GPATCH8: variants seen among roughly 807,000 people sequenced by gnomAD.
GPATCH8 encodes the protein G-patch domain containing 8.
GPATCH8 carries 18 observed loss-of-function variants against 118.3 expected under a neutral mutation model. That is an observed-to-expected ratio of 0.15 (90% CI 0.11 to 0.23). The LOEUF (loss-of-function observed/expected upper bound fraction) is 0.23. Ranked by LOEUF, GPATCH8 falls within the 10% of genes least tolerant of loss-of-function variation. The pLI is 1.00. For missense variants in GPATCH8, 1,631 were observed against 1,873.8 expected, an observed-to-expected ratio of 0.87 and a Z score of 2.39; for synonymous variants, 659 against 684.7, an observed-to-expected ratio of 0.96 and a Z score of 0.59.
At position 44,399,328 on chromosome 17, in the gene GPATCH8, C is replaced by T. The variant is rs1187526918; in HGVS notation, c.2749G>A (p.Ala917Thr). The T allele has an allele frequency of 6.2e-7, 1 of 1,614,034 alleles. No individual in the cohort carries two copies. The highest frequency in any genetic ancestry group is 8.5e-7 in the Non-Finnish European group (1 of 1,179,884). ...RSHDSDDSDY[A>T]SSKHRSKRHK... ...CGTTTTGATCGGTGTTTGGAGCTGG[C>T]ATAGTCTGAGTCATCTGAGTCATGG... The change falls in exon 8 of 8, where the codon GCC (alanine) becomes ACC (threonine). Residue 917 changes from alanine (A) to threonine (T), a missense_variant. By Grantham distance (58) the Ala-to-Thr change is moderately conservative. Transcript: ENST00000591680.
At chr17:44,414,131 A>G (rs561051222) in intron 6 of GPATCH8, among the ~76,000 whole-genome samples, 314 of 26,588 alleles carry the variant, frequency 0.012, 3 homozygotes, top group African/African-American at 0.03. Context: ...ATATATGTGT[A>G]TATATATATA....
Position 44,407,886 on chromosome 17 carries a change from G to A in GPATCH8, c.493-1835C>T, listed in dbSNP as rs1055316767. ...TGGCCAGGGTGGTCTCAAACTCCTG[G>A]TCTCAAGTGATCTACCTGCCTCGGC... is the stretch of plus-strand genomic sequence containing the variant. On this transcript the variant is annotated intron_variant, in intron 6 of 7. Transcript: ENST00000591680. Among the ~76,000 whole-genome samples, 10 of 152,104 alleles carry A rather than the reference G, an allele frequency of 6.6e-5. No homozygotes were observed. The South Asian group carries it at 2.1e-3, about 32-fold the overall frequency.
At chr17:44,484,197 T>C (rs1440338477) in intron 1 of GPATCH8, among the ~76,000 whole-genome samples, 3 of 151,654 alleles carry the variant, frequency 2.0e-5, no homozygotes, top group Non-Finnish European at 4.4e-5. Flanking sequence ...TTGGCCAGGC[T>C]AGTCTCGAAC....
intron 7 of GPATCH8, among the ~76,000 whole-genome samples, chr17:44,401,892 T>C (rs927802518): frequency 1.3e-5 from 2 of 151,658 alleles, no homozygotes; most frequent in Non-Finnish European, 2.9e-5. Context: ...TAATCCCAGC[T>C]ACTTGGGAGG....
intron 1 of GPATCH8, among the ~76,000 whole-genome samples, chr17:44,485,431 TTC>T (rs1233568598): frequency 2.6e-5 from 4 of 152,070 alleles, no homozygotes; most frequent in African/African-American, 9.7e-5. Flanking sequence ...ATGTTTGATT[TTC>T]TGTTTATTTT....
At chr17:44,484,858 T>C (rs1164903749) in intron 1 of GPATCH8, among the ~76,000 whole-genome samples, 3 of 152,184 alleles carry the variant, frequency 2.0e-5, no homozygotes, top group East Asian at 1.9e-4. Context: ...ACTTTTATTA[T>C]GTATTTGTTT....
intron 6 of GPATCH8, among the ~76,000 whole-genome samples, chr17:44,420,620 G>A (rs2049863056): frequency 6.6e-6 from 1 of 152,198 alleles, no homozygotes; most frequent in South Asian, 2.1e-4. Flanking sequence ...GAGAAAAGTG[G>A]TGGGAGAGCT....
chr17:44,480,889 CA>C (rs980442786), intron 1 of GPATCH8, among the ~76,000 whole-genome samples: 20 of 150,046 alleles, frequency 1.3e-4, no homozygotes, highest in African/African-American at 4.6e-4. Context: ...AAAACAAAAA[CA>C]AAAAAAAACA....
rs1250010846 is a variant in GPATCH8, at chr17:44,397,836, G to C, written c.4241C>G (p.Thr1414Ser). The change falls in exon 8 of 8, where the codon ACC (threonine) becomes AGC (serine). Residue 1414 changes from threonine to serine, a missense_variant. Around this residue, in one of 8 missense-constraint regions of GPATCH8, gnomAD observed 111 missense variants for 112.4 expected, o/e 0.99. Coordinates refer to ENST00000591680, the MANE Select transcript of GPATCH8 (RefSeq NM_001002909.4). ...QVHHIPQPHLTPISLSHLTHS... is the reference protein window; with the variant it reads ...QVHHIPQPHLSPISLSHLTHS... Reference sequence around the variant, plus strand: ...AGTGAGGTGGGACAAAGAAATGGGGGTCAGATGGGGCTGGGGAATATGATG... The same window carrying C: ...AGTGAGGTGGGACAAAGAAATGGGGCTCAGATGGGGCTGGGGAATATGATG... The C allele has an allele frequency of 2.5e-6, 4 of 1,595,476 alleles. No homozygotes were observed. In the South Asian group the frequency reaches 4.5e-5, roughly 18 times the overall value.
intron 3 of GPATCH8, among the ~76,000 whole-genome samples, chr17:44,460,205 CCT>C (rs1363632609): frequency 2.0e-5 from 3 of 152,128 alleles, no homozygotes; most frequent in Non-Finnish European, 2.9e-5. Flanking sequence ...TTAAACATAT[CCT>C]CTGTTTCTAT....
At chr17:44,418,598 G>A (rs1016598912) in intron 6 of GPATCH8, among the ~76,000 whole-genome samples, 2 of 152,122 alleles carry the variant, frequency 1.3e-5, no homozygotes, top group Admixed American at 6.5e-5. Flanking sequence ...GGGACTACAG[G>A]CACGTGCTGC....
chr17:44,474,991 CTTTTCT>C, intron 1 of GPATCH8, 88 bp from the exon 2 acceptor site: 1 of 713,876 alleles, frequency 1.4e-6, no homozygotes, highest in South Asian at 1.6e-5. Context: ...TTATTTTTAA[CTTTTCT>C]TTTTTTTTTT....
At chr17:44,430,423 G>C (rs1208746355) in intron 5 of GPATCH8, among the ~76,000 whole-genome samples, 1 of 151,798 alleles carries the variant, frequency 6.6e-6, no homozygotes, top group African/African-American at 2.4e-5. Flanking sequence ...GAATATAAAA[G>C]GAAAAAACCC....
At chr17:44,460,217 T>C (rs1180066163) in intron 3 of GPATCH8, among the ~76,000 whole-genome samples, 1 of 152,222 alleles carries the variant, frequency 6.6e-6, no homozygotes, top group Admixed American at 6.5e-5. Flanking sequence ...TCTGTTTCTA[T>C]AATAAACAAT....
chr17:44,458,874 C>T (rs1326012776), intron 3 of GPATCH8, among the ~76,000 whole-genome samples: 1 of 152,124 alleles, frequency 6.6e-6, no homozygotes, highest in African/African-American at 2.4e-5. Context: ...CTCAGAAAAG[C>T]TTTTCTTACT....
chr17:44,422,512 C>T (rs576316393), intron 6 of GPATCH8, among the ~76,000 whole-genome samples: 20 of 151,188 alleles, frequency 1.3e-4, no homozygotes, highest in Middle Eastern at 3.4e-3. Context: ...TTTTTTGAGA[C>T]GGAGTCTTGC....
At chr17:44,412,000 GCAACCT>G (rs2049454592) in intron 6 of GPATCH8, among the ~76,000 whole-genome samples, 1 of 152,060 alleles carries the variant, frequency 6.6e-6, no homozygotes, top group African/African-American at 2.4e-5. Flanking sequence ...TCAGCTCACC[GCAACCT>G]CTGCCTCCCA....
chr17:44,474,673 T>C (rs1471361689), intron 2 of GPATCH8, 156 bp downstream of exon 2: 1 of 699,638 alleles, frequency 1.4e-6, no homozygotes, highest in Non-Finnish European at 2.6e-6. Context: ...TTAGATTACA[T>C]CCCAAGCTTT....
intron 6 of GPATCH8, among the ~76,000 whole-genome samples, chr17:44,416,503 T>A (rs1235145933): frequency 1.3e-5 from 2 of 152,054 alleles, no homozygotes; most frequent in Admixed American, 6.6e-5. Context: ...AAGAAAATGG[T>A]ATGAACAGTG....
Sources: gnomAD v4.1 joint callset for allele counts (sites outside exome capture counted in the v4.1 genomes callset) on GRCh38, gnomAD v4.1.1 for gene constraint, gnomAD v4.1.1 regional missense constraint, MANE v1.5 for transcripts, NCBI Gene and HGNC (gene_info 2026-07-23, HGNC 2026-07-21) for gene names.